Variants in XRCC4 observed in about 807,000 individuals in gnomAD.
XRCC4 encodes the protein DNA repair protein XRCC4.
XRCC4 carries 28 observed loss-of-function variants against 39.1 expected under a neutral mutation model. The ratio of observed to expected loss-of-function variants is 0.72; its 90% confidence interval spans 0.53 to 0.98. The LOEUF (loss-of-function observed/expected upper bound fraction) is 0.98, where lower values mean the gene tolerates loss of function less well. Among genes scored for constraint, XRCC4 ranks in the 50% least tolerant of loss-of-function variants. XRCC4 has a pLI of 0.00. For synonymous variants in XRCC4, 123 were observed against 126.4 expected (o/e 0.97, Z 0.18); for missense variants, 350 against 376.4 (o/e 0.93, Z 0.58).
intron 3 of XRCC4, among the ~76,000 whole-genome samples, chr5:83,154,146 G>T (rs1748846706): frequency 6.6e-6 from 1 of 152,054 alleles, no homozygotes; most frequent in African/African-American, 2.4e-5. Context: ...GGAATCTTTG[G>T]TGGGGATACA....
intron 6 of XRCC4, among the ~76,000 whole-genome samples, chr5:83,253,183 G>T (rs1045480721): frequency 1.3e-5 from 2 of 152,174 alleles, no homozygotes; most frequent in African/African-American, 4.8e-5. Flanking sequence ...TAAAGGTATT[G>T]TTGCCCTGCA....
intron 3 of XRCC4, among the ~76,000 whole-genome samples, chr5:83,124,135 T>A (rs1747145626): frequency 1.3e-5 from 2 of 152,152 alleles, no homozygotes; most frequent in Admixed American, 6.5e-5. Context: ...TTTTTATTGT[T>A]CTTGTTGTTG....
chr5:83,088,497 T>A (rs900934483), intron 1 of XRCC4, among the ~76,000 whole-genome samples: 1 of 151,842 alleles, frequency 6.6e-6, no homozygotes, highest in Non-Finnish European at 1.5e-5. Context: ...TTCAACTTAA[T>A]GGGAAATTTT....
At chr5:83,128,786 C>A (rs1417942352) in intron 3 of XRCC4, among the ~76,000 whole-genome samples, 1 of 152,126 alleles carries the variant, frequency 6.6e-6, no homozygotes, top group Non-Finnish European at 1.5e-5. Context: ...TGAGAAGTGT[C>A]TGTTCATATC....
intron 6 of XRCC4, among the ~76,000 whole-genome samples, chr5:83,250,436 T>C (rs746532646): frequency 1.3e-5 from 2 of 152,240 alleles, no homozygotes; most frequent in Non-Finnish European, 2.9e-5. Flanking sequence ...ATAGCAATCA[T>C]TGAATATTTA....
At chr5:83,334,556 T>G (rs1756533493) in intron 7 of XRCC4, among the ~76,000 whole-genome samples, 1 of 151,968 alleles carries the variant, frequency 6.6e-6, no homozygotes, top group African/African-American at 2.4e-5. Context: ...CCTGTAATTA[T>G]TGACAAAGGA....
chr5:83,368,323 A>G, the XRCC4 span, among the ~76,000 whole-genome samples: 3,157 of 152,288 alleles, frequency 0.021, 112 homozygotes, highest in African/African-American at 0.071. Context: ...AGGAGATGAC[A>G]TGAAATGGCA....
chr5:83,256,448 A>G (rs1237617370), intron 6 of XRCC4, among the ~76,000 whole-genome samples: 1 of 152,064 alleles, frequency 6.6e-6, no homozygotes, highest in Non-Finnish European at 1.5e-5. Context: ...TTTAAACTTA[A>G]TATTCTTTTT....
chr5:83,362,065 T>C, the XRCC4 span, among the ~76,000 whole-genome samples: 1 of 152,178 alleles, frequency 6.6e-6, no homozygotes, highest in South Asian at 2.1e-4. Flanking sequence ...AACATGTTTT[T>C]ATGTAACACA....
At chr5:83,230,105 G>T (rs1752442950) in intron 6 of XRCC4, among the ~76,000 whole-genome samples, 1 of 151,770 alleles carries the variant, frequency 6.6e-6, no homozygotes, top group African/African-American at 2.4e-5. Context: ...TTTGCAGCAT[G>T]TTTGATTTGG....
chr5:83,280,438 A>T (rs1488850933), intron 7 of XRCC4: 1 of 683,104 alleles, frequency 1.5e-6, no homozygotes, highest in Non-Finnish European at 2.7e-6. Context: ...CGCAATTTTG[A>T]AGAAAGTTCT....
chr5:83,321,854 T>C (rs1377742705), intron 7 of XRCC4, among the ~76,000 whole-genome samples: 2 of 151,820 alleles, frequency 1.3e-5, no homozygotes, highest in Non-Finnish European at 2.9e-5. Flanking sequence ...TTATTATCCA[T>C]GATTAAGTCA....
intron 7 of XRCC4, among the ~76,000 whole-genome samples, chr5:83,335,584 A>G (rs1293782364): frequency 6.6e-6 from 1 of 151,962 alleles, no homozygotes; most frequent in East Asian, 1.9e-4. Context: ...TGTTTAATAT[A>G]TTTTTGATCA....
chr5:83,136,244 GTC>G (rs1435020779), intron 3 of XRCC4, among the ~76,000 whole-genome samples: 1 of 152,110 alleles, frequency 6.6e-6, no homozygotes, highest in African/African-American at 2.4e-5. Context: ...ACATCATCTT[GTC>G]TTTAGCAAGC....
chr5:83,363,769 C>T, the XRCC4 span, among the ~76,000 whole-genome samples: 6 of 152,150 alleles, frequency 3.9e-5, no homozygotes, highest in Non-Finnish European at 7.4e-5. Flanking sequence ...TGTTTTTAAG[C>T]CTCTTGTGGA....
intron 2 of XRCC4, among the ~76,000 whole-genome samples, chr5:83,105,322 A>G (rs1746146759): frequency 6.6e-6 from 1 of 152,234 alleles, no homozygotes; most frequent in Admixed American, 6.5e-5. Flanking sequence ...TGACCTCTTT[A>G]TAGAAAATAT....
At chr5:83,226,909 T>G (rs1202779383) in intron 6 of XRCC4, among the ~76,000 whole-genome samples, 1 of 152,106 alleles carries the variant, frequency 6.6e-6, no homozygotes, top group African/African-American at 2.4e-5. Context: ...GTATTGGTCA[T>G]TGTTTTTTCA....
intron 7 of XRCC4, among the ~76,000 whole-genome samples, chr5:83,325,542 T>C (rs528664748): frequency 2.1e-4 from 32 of 152,250 alleles, no homozygotes; most frequent in African/African-American, 7.2e-4. Flanking sequence ...CTCTCACTTA[T>C]AAGTGATAAC....
At position 83,353,502 on chromosome 5, in the gene XRCC4, C is replaced by T. The variant is rs1757147803; in HGVS notation, c.*260C>T. 3.8e-6 allele frequency: 1 copy of T among 265,780 alleles called. No homozygotes were observed. The highest frequency in any genetic ancestry group is 1.0e-4 in the South Asian group (1 of 9,556). 16.5% of individuals were successfully genotyped at this position (265,780 alleles called of 1,614,324 possible). ...ATAAATTGTATGAGACTTTTTGTTGCAAAGGACACATTTATCATATTCATT... is the reference window on the plus strand; with the variant it reads ...ATAAATTGTATGAGACTTTTTGTTGTAAAGGACACATTTATCATATTCATT... On this transcript the variant is annotated 3_prime_UTR_variant, in exon 8 of 8. Coordinates refer to ENST00000396027, the MANE Select transcript of XRCC4 (RefSeq NM_003401.5).
Sources: allele counts gnomAD v4.1 joint callset (sites outside exome capture counted in the v4.1 genomes callset), GRCh38; gene constraint gnomAD v4.1.1; transcripts MANE v1.5; gene names NCBI Gene and HGNC (gene_info 2026-07-23, HGNC 2026-07-21).